CNTNAP2: variants seen among roughly 807,000 people sequenced by gnomAD.
CNTNAP2 encodes contactin-associated protein-like 2.
Under a neutral mutation model 155.2 loss-of-function variants are expected in CNTNAP2, and 98 were observed. The ratio of observed to expected loss-of-function variants is 0.63; its 90% CI spans 0.54 to 0.75. The LOEUF (loss-of-function observed/expected upper bound fraction) is 0.75. CNTNAP2 is among the 30% of genes least tolerant of loss of function. The probability of loss-of-function intolerance (pLI) is 0.00; values close to 1 mark genes in which losing one functional copy is unlikely to be tolerated. For missense variants in CNTNAP2, 1,727 were observed against 1,688.1 expected (o/e 1.02, Z -0.40); for synonymous variants, 651 against 631.2 (o/e 1.03, Z -0.47).
chr7:146,351,757 A>G (rs952964688), intron 1 of CNTNAP2, among the ~76,000 whole-genome samples: 8 of 152,162 alleles, frequency 5.3e-5, no homozygotes, highest in African/African-American at 1.9e-4. Flanking sequence ...AGCATTATCT[A>G]AGTTCTTCTA....
Position 146,462,325 on chromosome 7 carries a change from T to A in CNTNAP2, c.98-311946T>A, listed in dbSNP as rs1006656584. 1.1e-4 allele frequency among the ~76,000 whole-genome samples: 17 copies of A among 152,194 alleles called. 1 individual carries two copies. The highest frequency in any genetic ancestry group is 1.1e-3 in the Admixed American group (17 of 15,276). On this transcript the variant is annotated intron_variant, in intron 1 of 23. Transcript: ENST00000361727. ...TTTCTTCTCTTTCTTCAAGAAGAGA[T>A]CTGAATGAGAATTAGTATGTTTACT...
intron 11 of CNTNAP2, among the ~76,000 whole-genome samples, chr7:147,527,020 T>C (rs28489536): frequency 9.0e-4 from 103 of 114,610 alleles, no homozygotes; most frequent in East Asian, 3.2e-3. Flanking sequence ...CATTTCTTTT[T>C]TTTTTTTTTT....
At chr7:146,155,184 C>T (rs532854381) in intron 1 of CNTNAP2, among the ~76,000 whole-genome samples, 1 of 152,232 alleles carries the variant, frequency 6.6e-6, no homozygotes, top group African/African-American at 2.4e-5. Context: ...CTACTTGTAC[C>T]TGACATTGGA....
intron 13 of CNTNAP2, among the ~76,000 whole-genome samples, chr7:147,772,456 A>C (rs1325130956): frequency 1.4e-5 from 1 of 71,554 alleles, no homozygotes; most frequent in African/African-American, 5.7e-5. Flanking sequence ...CTATATATAT[A>C]TATATATATA....
intron 12 of CNTNAP2, among the ~76,000 whole-genome samples, chr7:147,568,943 C>T (rs137927798): frequency 3.5e-4 from 53 of 152,244 alleles, no homozygotes; most frequent in Middle Eastern, 3.4e-3. Flanking sequence ...TCATTTTCTC[C>T]ATAACTCCCT....
intron 18 of CNTNAP2, among the ~76,000 whole-genome samples, chr7:148,193,126 T>C (rs1040937634): frequency 1.6e-4 from 25 of 152,356 alleles, no homozygotes; most frequent in African/African-American, 5.8e-4. Flanking sequence ...TTTTATTTTA[T>C]TGCAAATATT....
chr7:147,930,018 C>T (rs1483100707), intron 14 of CNTNAP2, among the ~76,000 whole-genome samples: 1 of 152,148 alleles, frequency 6.6e-6, no homozygotes, highest in Non-Finnish European at 1.5e-5. Flanking sequence ...AATGCTCACT[C>T]GCCCGCCTCA....
At chr7:147,346,153 A>ATTTTT (rs1276421589) in intron 9 of CNTNAP2, among the ~76,000 whole-genome samples, 5 of 43,642 alleles carry the variant, frequency 1.1e-4, no homozygotes, top group Non-Finnish European at 2.0e-4. Flanking sequence ...ATTTTATTTT[A>ATTTTT]TTTTTTTTTT....
chr7:147,379,855 T>C (rs1355881292), intron 9 of CNTNAP2, among the ~76,000 whole-genome samples: 4 of 152,092 alleles, frequency 2.6e-5, no homozygotes, highest in African/African-American at 9.7e-5. Context: ...TTGTAAAGAT[T>C]AGTAAATACC....
intron 1 of CNTNAP2, among the ~76,000 whole-genome samples, chr7:146,502,902 G>A (rs760683694): frequency 4.6e-4 from 70 of 152,234 alleles, no homozygotes; most frequent in Middle Eastern, 3.4e-3. Flanking sequence ...GGCAAGAGCC[G>A]CCTCAAACTG....
chr7:146,895,953 C>G (rs986145296), intron 3 of CNTNAP2, among the ~76,000 whole-genome samples: 1 of 152,086 alleles, frequency 6.6e-6, no homozygotes, highest in South Asian at 2.1e-4. Flanking sequence ...TGCATTTTCT[C>G]AACTACTGGC....
chr7:146,800,999 T>C (rs1802866891), intron 2 of CNTNAP2, among the ~76,000 whole-genome samples: 1 of 152,122 alleles, frequency 6.6e-6, no homozygotes, highest in African/African-American at 2.4e-5. Context: ...GTTAAGTGTA[T>C]TGGTCTGTTT....
chr7:146,147,935 A>G (rs1321740031), intron 1 of CNTNAP2, among the ~76,000 whole-genome samples: 2 of 152,160 alleles, frequency 1.3e-5, no homozygotes, highest in Admixed American at 6.6e-5. Context: ...ACCAATATAT[A>G]TATTTTTCAA....
chr7:146,654,044 A>G lies in CNTNAP2; in HGVS notation c.98-120227A>G, dbSNP rs1799957226. Among the ~76,000 whole-genome samples the G allele has an allele frequency of 3.3e-5, 5 of 152,064 alleles. No homozygotes were observed. The South Asian group carries it at 1.0e-3, about 32-fold the overall frequency. Reference sequence around the variant, plus strand: ...TAAAAAAAAATCCTTTACATATTCCATAGAAACTGGGCTTGGTTTGTAAAG... The same window carrying G: ...TAAAAAAAAATCCTTTACATATTCCGTAGAAACTGGGCTTGGTTTGTAAAG... On this transcript the variant is annotated intron_variant, in intron 1 of 23. Coordinates refer to ENST00000361727, the MANE Select transcript of CNTNAP2 (RefSeq NM_014141.6).
chr7:146,720,976 G>GACTATATAT (rs1179474463), intron 1 of CNTNAP2, among the ~76,000 whole-genome samples: 1 of 100,386 alleles, frequency 1.0e-5, no homozygotes, highest in Admixed American at 9.4e-5. Flanking sequence ...TATATATATA[G>GACTATATAT]ACTATATATA....
At chr7:147,104,680 T>A in intron 4 of CNTNAP2, among the ~76,000 whole-genome samples, 1 of 150,898 alleles carries the variant, frequency 6.6e-6, no homozygotes, top group South Asian at 2.1e-4. Flanking sequence ...CAGTTTCAAA[T>A]TATATATTCT....
intron 1 of CNTNAP2, among the ~76,000 whole-genome samples, chr7:146,333,820 T>C (rs1247875673): frequency 1.6e-4 from 24 of 152,220 alleles, no homozygotes; most frequent in Admixed American, 1.5e-3. Context: ...ATCCTCATCA[T>C]TGGCTTCTAG....
rs558535061 is a variant in CNTNAP2 at position 147,623,159 on chromosome 7, C to A, written c.1898-15947C>A. 7.1e-4 allele frequency among the ~76,000 whole-genome samples: 108 copies of A among 152,020 alleles called. No individual in the cohort carries two copies. In the Middle Eastern group the frequency reaches 0.01, roughly 14 times the overall value. ...ATAAGAAAAGCACAGGAACTGAAGG[C>A]GGAAATCTGAAAGCCTTTCCTCGAA... is the stretch of plus-strand genomic sequence containing the variant. On this transcript the variant is annotated intron_variant, in intron 12 of 23. Transcript: ENST00000361727.
At chr7:146,288,433 A>G (rs1367810435) in intron 1 of CNTNAP2, among the ~76,000 whole-genome samples, 1 of 152,126 alleles carries the variant, frequency 6.6e-6, no homozygotes, top group Non-Finnish European at 1.5e-5. Flanking sequence ...AGTCTTTGAT[A>G]GGTTCTTAGA....
Sources: allele counts gnomAD v4.1 joint callset (sites outside exome capture counted in the v4.1 genomes callset), GRCh38; gene constraint gnomAD v4.1.1; transcripts MANE v1.5; gene names NCBI Gene and HGNC (gene_info 2026-07-23, HGNC 2026-07-21).